Variants in FBXL18 observed in about 807,000 individuals in gnomAD.
FBXL18 encodes F-box and leucine rich repeat protein 18.
Under a neutral mutation model 46.0 loss-of-function variants are expected in FBXL18, and 36 were observed. That is an observed-to-expected ratio of 0.78 (90% CI 0.60 to 1.03). FBXL18 has a LOEUF of 1.03. Among genes scored for constraint, FBXL18 ranks in the 50% least tolerant of loss-of-function variants. The probability of loss-of-function intolerance (pLI) is 0.00; values close to 1 mark genes in which losing one functional copy is unlikely to be tolerated. For synonymous variants in FBXL18, 557 were observed against 465.3 expected, an observed-to-expected ratio of 1.20 and a Z score of -2.54; for missense variants, 977 against 1,004.1, an observed-to-expected ratio of 0.97 and a Z score of 0.36.
At chr7:5,491,744 C>T (rs1044719173) in intron 3 of FBXL18, among the ~76,000 whole-genome samples, 1 of 152,200 alleles carries the variant, frequency 6.6e-6, no homozygotes, top group African/African-American at 2.4e-5. Flanking sequence ...CATCTGTGTC[C>T]GCAGCCTGCC....
intron 3 of FBXL18, among the ~76,000 whole-genome samples, chr7:5,495,200 C>G (rs1398599205): frequency 6.6e-6 from 1 of 152,196 alleles, no homozygotes; most frequent in East Asian, 1.9e-4. Flanking sequence ...CCTGGGTCTC[C>G]TGGTGACTCT....
chr7:5,487,657 T>C (rs1783809050), intron 4 of FBXL18, among the ~76,000 whole-genome samples: 1 of 152,242 alleles, frequency 6.6e-6, no homozygotes, highest in Non-Finnish European at 1.5e-5. Context: ...ACAGGGCTTC[T>C]GTGAGGCTTG....
chr7:5,501,738 C>T lies in FBXL18; in HGVS notation c.531G>A (p.Lys177=). ...CGTAGGAGGGAGTGAACAGCGTCTGCTTGAGCTCCCGCACGCGGCTCAGGG... is the reference window on the plus strand; with the variant it reads ...CGTAGGAGGGAGTGAACAGCGTCTGTTTGAGCTCCCGCACGCGGCTCAGGG... ...KATLSRVREL[K]QTLFTPSYGV... Residue 177 remains lysine (K), a synonymous_variant, in exon 3 of 5, where the codon AAG becomes AAA. Coordinates refer to ENST00000382368, the MANE Select transcript of FBXL18 (RefSeq NM_024963.6). The T allele has an allele frequency of 6.4e-7, 1 of 1,567,858 alleles. No individual in the cohort carries two copies. Among genetic ancestry groups the T allele is most frequent in the Middle Eastern group, 1.7e-4 (1 of 5,998 alleles).
At chr7:5,510,401 G>C (rs557532024) in intron 1 of FBXL18, among the ~76,000 whole-genome samples, 3 of 150,298 alleles carry the variant, frequency 2.0e-5, no homozygotes, top group Non-Finnish European at 4.4e-5. Context: ...AAAATTAGTT[G>C]AGCCAGGCAC....
intron 4 of FBXL18, among the ~76,000 whole-genome samples, chr7:5,486,640 G>A (rs969087854): frequency 2.0e-5 from 3 of 152,132 alleles, no homozygotes; most frequent in Admixed American, 6.6e-5. Flanking sequence ...GCAACAGAGA[G>A]AGACCCTGTC....
chr7:5,490,593 G>A (rs943041086), intron 4 of FBXL18, among the ~76,000 whole-genome samples: 1 of 152,130 alleles, frequency 6.6e-6, no homozygotes, highest in Admixed American at 6.6e-5. Flanking sequence ...TCAATCTACC[G>A]CCTTTACCCA....
chr7:5,491,441 T>A lies in FBXL18; in HGVS notation c.1790A>T (p.Gln597Leu). The A allele has an allele frequency of 6.3e-7, 1 of 1,578,518 alleles. No individual in the cohort carries two copies. The highest frequency in any genetic ancestry group is 8.6e-7 in the Non-Finnish European group (1 of 1,163,340). Reference sequence around the variant, plus strand: ...CTGGGCGTTGGCGCTGAAGTAGGGCTGCTCCAGCCTGCGGGGAGAGAGGGC... The same window carrying A: ...CTGGGCGTTGGCGCTGAAGTAGGGCAGCTCCAGCCTGCGGGGAGAGAGGGC... ...CKRLRDLRLE[Q>L]PYFSANAQFF... The change falls in exon 4 of 5, where the codon CAG becomes CTG. Residue 597 changes from glutamine to leucine, a missense_variant. Coordinates refer to ENST00000382368, the MANE Select transcript of FBXL18 (RefSeq NM_024963.6).
At chr7:5,482,064 G>A in intron 4 of FBXL18, 133 bp from the exon 5 acceptor site, 1 of 1,061,446 alleles carries the variant, frequency 9.4e-7, no homozygotes, top group South Asian at 1.6e-5. Flanking sequence ...GACAGACCAT[G>A]CCTGCCAGAG....
intron 4 of FBXL18, among the ~76,000 whole-genome samples, chr7:5,463,941 A>G (rs1783303475): frequency 1.3e-5 from 2 of 151,404 alleles, no homozygotes; most frequent in South Asian, 4.2e-4. Context: ...GGGTTTCGCC[A>G]TGTTGGTCAG....
At chr7:5,467,276 G>A (rs746599284) in intron 4 of FBXL18, among the ~76,000 whole-genome samples, 48 of 152,230 alleles carry the variant, frequency 3.2e-4, no homozygotes, top group African/African-American at 1.0e-3. Context: ...GCCTGAACCT[G>A]GGAGGCGGAG....
intron 4 of FBXL18, among the ~76,000 whole-genome samples, chr7:5,486,574 G>T (rs1031125888): frequency 1.3e-5 from 2 of 150,960 alleles, no homozygotes; most frequent in Admixed American, 1.3e-4. Flanking sequence ...GATCACTTGA[G>T]TCTGGGAGGT....
At chr7:5,499,960 T>C (rs1336675875) in intron 3 of FBXL18, among the ~76,000 whole-genome samples, 3 of 151,222 alleles carry the variant, frequency 2.0e-5, no homozygotes, top group Non-Finnish European at 4.4e-5. Flanking sequence ...AGCTACTTGA[T>C]AGGCTGAGGT....
In FBXL18 at chr7:5,467,140, A is replaced by G. The variant is rs183136845; in HGVS notation, c.2001-19297T>C. ...GCGAAGGCGGGCGGATCACGAGTTC[A>G]GGAGATCGAGACCATCCTGGCTTAC... On this transcript the variant is annotated intron_variant and NMD_transcript_variant, in intron 4 of 6. Transcript: ENST00000415009. Among the ~76,000 whole-genome samples, 65 of 152,266 alleles carry G rather than the reference A, an allele frequency of 4.3e-4. No individual in the cohort carries two copies. In the Middle Eastern group the frequency reaches 0.017, roughly 40 times the overall value.
chr7:5,480,265 C>T lies in FBXL18; in HGVS notation c.*1510G>A, dbSNP rs935081949. On this transcript the variant is annotated 3_prime_UTR_variant, in exon 5 of 5. Transcript: ENST00000382368. ...GGCCCTTCACCAAGAGCGGCCAGGGCGGCGGTCCAGGCTAGCAGGGCCCAA... is the reference window on the plus strand; with the variant it reads ...GGCCCTTCACCAAGAGCGGCCAGGGTGGCGGTCCAGGCTAGCAGGGCCCAA... Among the ~76,000 whole-genome samples, 1 of 152,106 alleles carries T rather than the reference C, an allele frequency of 6.6e-6. No individual in the cohort carries two copies. Among genetic ancestry groups the T allele is most frequent in the East Asian group, 1.9e-4 (1 of 5,194 alleles).
intron 4 of FBXL18, among the ~76,000 whole-genome samples, chr7:5,463,710 T>A (rs143504133): frequency 0.6 from 33,684 of 56,568 alleles, 9,286 homozygotes; most frequent in East Asian, 0.76. Context: ...ATATATTTAT[T>A]TATTTATTTA....
chr7:5,503,557 A>C, intron 2 of FBXL18, among the ~76,000 whole-genome samples: 1 of 149,302 alleles, frequency 6.7e-6, no homozygotes, highest in Non-Finnish European at 1.5e-5. Flanking sequence ...ATGGAGTTTC[A>C]CCAAGTTGTC....
chr7:5,486,553 T>C (rs2128234799), intron 4 of FBXL18, among the ~76,000 whole-genome samples: 1 of 148,984 alleles, frequency 6.7e-6, no homozygotes, highest in Admixed American at 6.7e-5. Context: ...CTGAGGAGGC[T>C]GAAGCAGGAG....
At chr7:5,465,000 T>C (rs1182616317) in intron 4 of FBXL18, among the ~76,000 whole-genome samples, 1 of 151,438 alleles carries the variant, frequency 6.6e-6, no homozygotes, top group African/African-American at 2.4e-5. Flanking sequence ...GAGATGGAGG[T>C]TGCAGTGAGC....
intron 4 of FBXL18, among the ~76,000 whole-genome samples, chr7:5,469,472 C>T (rs892795650): frequency 2.6e-5 from 4 of 151,968 alleles, no homozygotes; most frequent in East Asian, 1.9e-4. Flanking sequence ...TGAGTGAACA[C>T]GGGCATGTGT....
Sources: allele counts gnomAD v4.1 joint callset (sites outside exome capture counted in the v4.1 genomes callset), GRCh38; gene constraint gnomAD v4.1.1; transcripts MANE v1.5; gene names NCBI Gene and HGNC (gene_info 2026-07-23, HGNC 2026-07-21).